ATAD2: variants seen among roughly 807,000 people sequenced by gnomAD.
The protein encoded by ATAD2 is ATPase family AAA domain containing 2.
ATAD2 carries 62 observed loss-of-function variants against 168.9 expected under a neutral mutation model. The ratio of observed to expected loss-of-function variants is 0.37; its 90% CI spans 0.30 to 0.45. The LOEUF (loss-of-function observed/expected upper bound fraction) is 0.45. Among genes scored for constraint, ATAD2 ranks in the 20% least tolerant of loss-of-function variants. The pLI, the probability that ATAD2 is intolerant of heterozygous loss-of-function variation, is 1.00. For missense variants in ATAD2, 1,419 were observed against 1,667.8 expected (o/e 0.85, Z 2.60); for synonymous variants, 613 against 571.6 (o/e 1.07, Z -1.03).
chr8:123,392,728 G>A (rs980282755), intron 1 of ATAD2, among the ~76,000 whole-genome samples: 2 of 152,134 alleles, frequency 1.3e-5, no homozygotes, highest in African/African-American at 4.8e-5. Flanking sequence ...AAGCAGCTAT[G>A]CCAGTGTGGC....
At chr8:123,396,157 C>G (rs536621182) in intron 1 of ATAD2, 30 bp downstream of exon 1, 492 of 1,533,754 alleles carry the variant, frequency 3.2e-4, no homozygotes, top group Admixed American at 5.7e-4. Context: ...CGGGAACCGC[C>G]CTGGGAGCCC....
In ATAD2 at chr8:123,361,644, C is replaced by T. The variant is rs750619146; in HGVS notation, c.1052G>A (p.Arg351Gln). 3.1e-6 allele frequency: 5 copies of T among 1,597,620 alleles called. No homozygotes were observed. Among genetic ancestry groups the T allele is most frequent in the Admixed American group, 3.4e-5 (2 of 59,640 alleles). Residue 351 changes from arginine (R) to glutamine (Q), a missense_variant and splice_region_variant, in exon 9 of 28, where the codon CGA becomes CAA. Arg to Gln is a conservative substitution (Grantham distance 43). Transcript: ENST00000287394. ...GTCACTACTGTGGATTGCATGCCTT[C>T]GCCTAAAGTAAAAAACAAAATTGAA... ...RSPYCKRMNR[R>Q]RHAIHSSDST...
At chr8:123,349,593 C>T in intron 13 of ATAD2, 149 bp from the exon 14 acceptor site, 1 of 733,594 alleles carries the variant, frequency 1.4e-6, no homozygotes, top group Non-Finnish European at 2.1e-6. Flanking sequence ...TTAAAAAAAT[C>T]TATAAAATAA....
intron 13 of ATAD2, chr8:123,352,775 T>C (rs1409853837): frequency 6.7e-6 from 1 of 148,440 alleles, no homozygotes; most frequent in Non-Finnish European, 1.5e-5. Context: ...AACAAAAAAC[T>C]GATGGTGGCT....
At chr8:123,413,639 C>T (rs1311516086) in intron 1 of ATAD2, among the ~76,000 whole-genome samples, 1 of 152,108 alleles carries the variant, frequency 6.6e-6, no homozygotes, top group Non-Finnish European at 1.5e-5. Flanking sequence ...CAGGGCAAGA[C>T]CCATGCCCTG....
intron 2 of ATAD2, 110 bp from the exon 3 acceptor site, chr8:123,372,796 T>C (rs1829186334): frequency 1.0e-5 from 9 of 861,264 alleles, no homozygotes; most frequent in Non-Finnish European, 1.5e-5. Flanking sequence ...GGCACAATCA[T>C]GACTCACTAC....
intron 21 of ATAD2, among the ~76,000 whole-genome samples, chr8:123,337,161 G>A (rs1023647760): frequency 1.3e-5 from 2 of 151,542 alleles, no homozygotes; most frequent in African/African-American, 4.8e-5. Context: ...TCAGGAGTTT[G>A]AGACCAGCCT....
At chr8:123,377,749 A>C (rs1002309903) in intron 2 of ATAD2, among the ~76,000 whole-genome samples, 2 of 152,202 alleles carry the variant, frequency 1.3e-5, no homozygotes, top group Non-Finnish European at 2.9e-5. Flanking sequence ...AATGTGCCAA[A>C]CATTCATTTA....
Position 123,415,974 on chromosome 8 carries a change from A to G in ATAD2, c.-2282+274T>C, listed in dbSNP as rs535584947. ...AAAATATATGATTAACACAAAAAGG[A>G]TACCATATGGACTCTTTAAACTTTT... On this transcript the variant is annotated intron_variant, in intron 1 of 28. Coordinates refer to the ATAD2 transcript ENST00000521903. Among the ~76,000 whole-genome samples the G allele has an allele frequency of 2.6e-5, 4 of 152,336 alleles. No individual in the cohort carries two copies. In the East Asian group the frequency reaches 7.7e-4, roughly 29 times the overall value.
At position 123,396,231 on chromosome 8, in the gene ATAD2, C is replaced by G. The variant is rs768807310; in HGVS notation, c.127G>C (p.Gly43Arg). The G allele has an allele frequency of 1.6e-5, 26 of 1,602,592 alleles. No individual in the cohort carries two copies. Among genetic ancestry groups the G allele is most frequent in the African/African-American group, 1.6e-4 (12 of 74,694 alleles). The change falls in exon 1 of 28, where the codon GGC (glycine) becomes CGC (arginine). Residue 43 changes from glycine to arginine, a missense_variant. Coordinates refer to ENST00000287394, the MANE Select transcript of ATAD2 (RefSeq NM_014109.4). ...HIGRRRLRSA[G>R]AAQKKPAATT... ...GCCGCGGGTTTCTTCTGCGCCGCGC[C>G]GGCCGAGCGGAGCCGCCTCCGGCCG...
At chr8:123,407,068 A>G (rs1813077767) in intron 1 of ATAD2, among the ~76,000 whole-genome samples, 1 of 152,204 alleles carries the variant, frequency 6.6e-6, no homozygotes, top group Non-Finnish European at 1.5e-5. Flanking sequence ...CAGAGAAGGC[A>G]GTGATGTGAA....
chr8:123,372,736 TTTTA>T, intron 2 of ATAD2, 50 bp from the exon 3 acceptor site: 1 of 1,432,852 alleles, frequency 7.0e-7, no homozygotes, highest in Non-Finnish European at 9.5e-7. Context: ...ATAACTTTAT[TTTTA>T]TTTATTTAGA....
intron 15 of ATAD2, chr8:123,347,956 A>G (rs1828306504): frequency 1.8e-5 from 10 of 559,542 alleles, no homozygotes; most frequent in Non-Finnish European, 3.1e-5. Flanking sequence ...TTTGTCAAAT[A>G]TCTCTATTTA....
At chr8:123,335,229 A>G (rs758212290) in intron 22 of ATAD2, among the ~76,000 whole-genome samples, 3 of 152,200 alleles carry the variant, frequency 2.0e-5, no homozygotes, top group Admixed American at 1.3e-4. Flanking sequence ...TTGCAATGCA[A>G]CAGAGAAAGC....
In ATAD2 at chr8:123,356,384, T is replaced by C; in HGVS notation, c.1646+5A>G. The C allele has an allele frequency of 1.2e-6, 2 of 1,608,102 alleles. No homozygotes were observed. Among genetic ancestry groups the C allele is most frequent in the Non-Finnish European group, 1.7e-6 (2 of 1,175,804 alleles). On this transcript the variant is annotated splice_donor_5th_base_variant and intron_variant, in intron 13 of 27. Coordinates refer to ENST00000287394, the MANE Select transcript of ATAD2 (RefSeq NM_014109.4). ...AACGTTGAAGTGCCATCAAGCAAGT[T>C]TTACCTGTGAATCTGATCTTGCCTG...
intron 1 of ATAD2, among the ~76,000 whole-genome samples, chr8:123,413,716 T>C (rs1272767274): frequency 1.3e-5 from 2 of 151,774 alleles, no homozygotes; most frequent in African/African-American, 4.8e-5. Context: ...TCAAGACATA[T>C]GAATAAAAGT....
chr8:123,406,949 G>C (rs1813076390), intron 1 of ATAD2, among the ~76,000 whole-genome samples: 1 of 152,118 alleles, frequency 6.6e-6, no homozygotes, highest in East Asian at 1.9e-4. Context: ...GATCTTTGCA[G>C]ATGTAATTAA....
chr8:123,372,582 A>C, intron 3 of ATAD2, 55 bp downstream of exon 3: 1 of 1,373,734 alleles, frequency 7.3e-7, no homozygotes, highest in Non-Finnish European at 9.9e-7. Flanking sequence ...AAAAACCTGT[A>C]AACAGAATAT....
At chr8:123,401,700 C>A in intron 1 of ATAD2, 1 of 748,530 alleles carries the variant, frequency 1.3e-6, no homozygotes. Context: ...AAGGTGCCGG[C>A]CCTTGGTGCC....
Sources: gnomAD v4.1 joint callset for allele counts (sites outside exome capture counted in the v4.1 genomes callset) on GRCh38, gnomAD v4.1.1 for gene constraint, MANE v1.5 for transcripts, NCBI Gene and HGNC (gene_info 2026-07-23, HGNC 2026-07-21) for gene names.